Variants in EPS8L3 observed in about 807,000 individuals in gnomAD.
EPS8L3 encodes EPS8 signaling adaptor L3, also known as epidermal growth factor receptor kinase substrate 8-like protein 3.
A neutral mutation model predicts 88.5 loss-of-function variants in EPS8L3; 80 were observed. The ratio of observed to expected loss-of-function variants is 0.90; its 90% CI spans 0.75 to 1.09. The LOEUF is 1.09. EPS8L3 is among the 50% of genes least tolerant of loss of function. The pLI is 0.00. For synonymous variants in EPS8L3, 286 were observed against 291.0 expected (o/e 0.98, Z 0.18); for missense variants, 721 against 735.2 (o/e 0.98, Z 0.22).
In EPS8L3 at chr1:109,757,919, C is replaced by T. The variant is rs761692205; in HGVS notation, c.832+25G>A. 5.6e-6 allele frequency: 9 copies of T among 1,613,398 alleles called. No homozygotes were observed. The Admixed American group carries it at 6.7e-5, about 12-fold the overall frequency. On this transcript the variant is annotated intron_variant, in intron 9 of 18. Transcript: ENST00000361965. ...AGATCACCCTGAGACACCCCTACTC[C>T]TCTTCCCTGGCCCTCAGTACTCACC...
At chr1:109,761,182 A>C in intron 3 of EPS8L3, 2 of 293,158 alleles carry the variant, frequency 6.8e-6, no homozygotes, top group Non-Finnish European at 6.6e-6. Flanking sequence ...AGGGGAGGGT[A>C]GGTGGGTGGG....
At chr1:109,751,898 C>G (rs1364895217) in intron 15 of EPS8L3, 97 bp downstream of exon 15, 3 of 1,567,298 alleles carry the variant, frequency 1.9e-6, no homozygotes, top group Non-Finnish European at 2.6e-6. Flanking sequence ...TCTAGGCCAC[C>G]CACCTTGGCA....
intron 16 of EPS8L3, 115 bp downstream of exon 16, chr1:109,751,539 C>T: frequency 2.0e-6 from 3 of 1,505,008 alleles, no homozygotes; most frequent in Non-Finnish European, 2.7e-6. Context: ...ACTAAGCATG[C>T]AATAATACGG....
chr1:109,761,388 T>G, intron 3 of EPS8L3, 107 bp downstream of exon 3: 1 of 986,948 alleles, frequency 1.0e-6, no homozygotes, highest in Non-Finnish European at 1.5e-6. Context: ...GCTGTTGGCT[T>G]CTGGGGCAGG....
Position 109,761,718 on chromosome 1 carries a change from C to G in EPS8L3, c.31+1G>C, listed in dbSNP as rs1352176778. ...GGGAGAGGGGCCTGCCAGGAGCTTA[C>G]AGTAAATGGCTCTGCTGCTGGGCCT... is the stretch of plus-strand genomic sequence containing the variant. On this transcript the variant is annotated splice_donor_variant, in intron 2 of 18. Transcript: ENST00000361965. LOFTEE classifies it high-confidence loss of function. 1.2e-6 allele frequency: 2 copies of G among 1,613,830 alleles called. No homozygotes were observed. Among genetic ancestry groups the G allele is most frequent in the Non-Finnish European group, 8.5e-7 (1 of 1,179,974 alleles).
chr1:109,755,532 C>T (rs903512511), intron 12 of EPS8L3, among the ~76,000 whole-genome samples: 3 of 152,068 alleles, frequency 2.0e-5, no homozygotes, highest in African/African-American at 4.8e-5. Flanking sequence ...TGGCGGGGTG[C>T]GGCAGCTCAC....
intron 3 of EPS8L3, 96 bp downstream of exon 3, chr1:109,761,399 G>T: frequency 9.2e-7 from 1 of 1,086,616 alleles, no homozygotes; most frequent in African/African-American, 1.6e-5. Flanking sequence ...CTGGGGCAGG[G>T]ACTTGTGTGA....
At chr1:109,751,592 C>A (rs751399101) in intron 16 of EPS8L3, 62 bp downstream of exon 16, 5 of 1,609,560 alleles carry the variant, frequency 3.1e-6, no homozygotes, top group Non-Finnish European at 4.2e-6. Context: ...GCCACTGAAT[C>A]CTCCCCACCC....
At position 109,761,923 on chromosome 1, in the gene EPS8L3, C is replaced by G. The variant is rs12066518; in HGVS notation, c.-24-150G>C. On this transcript the variant is annotated intron_variant, in intron 1 of 18. Transcript: ENST00000361965. ...CTCCAGGGGCCCTTTCCGGAGCCAT[C>G]TGCAGCCAGCGTCCTCCACTGAGGA... is the stretch of plus-strand genomic sequence containing the variant. The G allele has an allele frequency of 9.5e-3, 6,165 of 649,256 alleles. 300 individuals carry two copies. The African/African-American group carries it at 0.1, about 11-fold the overall frequency. 40.2% of individuals were successfully genotyped at this position (649,256 alleles called of 1,614,324 possible).
At chr1:109,757,394 A>T in intron 11 of EPS8L3, 87 bp downstream of exon 11, 2 of 1,293,200 alleles carry the variant, frequency 1.5e-6, no homozygotes, top group Non-Finnish European at 2.2e-6. Context: ...CTGCTCCCCC[A>T]TCCCCCTCCA....
intron 14 of EPS8L3, 45 bp from the exon 15 acceptor site, chr1:109,752,238 T>A: frequency 6.4e-7 from 1 of 1,561,474 alleles, no homozygotes; most frequent in South Asian, 1.2e-5. Flanking sequence ...GCCTCAGAAA[T>A]TAAGCCTATG....
intron 14 of EPS8L3, 46 bp from the exon 15 acceptor site, chr1:109,752,239 T>G: frequency 6.4e-7 from 1 of 1,553,934 alleles, no homozygotes; most frequent in Non-Finnish European, 8.8e-7. Context: ...CCTCAGAAAT[T>G]AAGCCTATGT....
chr1:109,761,489 A>G lies in EPS8L3; in HGVS notation c.96+6T>C, dbSNP rs574844747. 7 of 1,608,432 alleles carry G rather than the reference A, an allele frequency of 4.4e-6. No homozygotes were observed. Among genetic ancestry groups the G allele is most frequent in the East Asian group, 4.5e-5 (2 of 44,676 alleles). On this transcript the variant is annotated splice_donor_region_variant and intron_variant, in intron 3 of 18. Transcript: ENST00000361965. Reference sequence around the variant, plus strand: ...GACACTGCCCGGGGGCTGCAGAGGTACTCACCTCCACCCTGTGCTGCAGGA... The same window carrying G: ...GACACTGCCCGGGGGCTGCAGAGGTGCTCACCTCCACCCTGTGCTGCAGGA...
chr1:109,760,182 G>A (rs1424923848), intron 3 of EPS8L3, among the ~76,000 whole-genome samples: 3 of 152,158 alleles, frequency 2.0e-5, no homozygotes, highest in Middle Eastern at 3.2e-3. Flanking sequence ...CTCCTCTGGA[G>A]GTGATACAGG....
intron 1 of EPS8L3, among the ~76,000 whole-genome samples, chr1:109,762,356 C>T (rs1651073226): frequency 6.6e-6 from 1 of 152,134 alleles, no homozygotes; most frequent in Admixed American, 6.5e-5. Context: ...CCTAGGCCTC[C>T]TGGCTCTTTG....
intron 13 of EPS8L3, 24 bp from the exon 14 acceptor site, chr1:109,752,744 G>T: frequency 6.4e-7 from 1 of 1,550,716 alleles, no homozygotes; most frequent in South Asian, 1.2e-5. Flanking sequence ...AACAGAGAGT[G>T]AGTAAGAGCA....
chr1:109,752,781 G>C, intron 13 of EPS8L3, 61 bp from the exon 14 acceptor site: 25 of 1,454,768 alleles, frequency 1.7e-5, no homozygotes, highest in Non-Finnish European at 2.4e-5. Flanking sequence ...GTGGGAGGGA[G>C]CTGGGGTATC....
rs1215755245 is a variant in EPS8L3, at chr1:109,759,472, TTGG to T, written c.256-88_256-86del. On this transcript the variant is annotated intron_variant, in intron 4 of 18. Transcript: ENST00000361965. The surrounding 1 kb of genome is among the most constrained non-coding windows in gnomAD (Gnocchi z 4.2). ...CTCCTGACCAGCTCATCCTAGCCCT[TTGG>T]TGGCCTAGGGCTGAGGTGTCATCTA... 6.4e-7 allele frequency: 1 copy of T among 1,569,372 alleles called. No homozygotes were observed. The highest frequency in any genetic ancestry group is 1.4e-5 in the African/African-American group (1 of 73,954).
intron 12 of EPS8L3, among the ~76,000 whole-genome samples, chr1:109,754,770 C>T (rs1364855331): frequency 2.6e-5 from 4 of 152,150 alleles, no homozygotes; most frequent in African/African-American, 9.7e-5. Flanking sequence ...GTTTTCCTCT[C>T]CTGCTAGTGC....
Sources: gnomAD v4.1 joint callset for allele counts (sites outside exome capture counted in the v4.1 genomes callset) on GRCh38, gnomAD v4.1.1 for gene constraint, Gnocchi (gnomAD v3.1) non-coding constraint, MANE v1.5 for transcripts, NCBI Gene and HGNC (gene_info 2026-07-23, HGNC 2026-07-21) for gene names.